PLEKHD1: variants seen among roughly 807,000 people sequenced by gnomAD.
PLEKHD1 encodes the protein pleckstrin homology and coiled-coil domain containing D1.
In PLEKHD1, 51 loss-of-function variants were observed where a neutral mutation model predicts 69.2. The ratio of observed to expected loss-of-function variants is 0.74; its 90% CI spans 0.59 to 0.93. The LOEUF (loss-of-function observed/expected upper bound fraction) is 0.93, where lower values mean the gene tolerates loss of function less well. PLEKHD1 is among the 40% of genes least tolerant of loss of function. The pLI is 0.00. For synonymous variants in PLEKHD1, 236 were observed against 244.7 expected, an observed-to-expected ratio of 0.96 and a Z score of 0.33; for missense variants, 584 against 641.0, an observed-to-expected ratio of 0.91 and a Z score of 0.96.
At chr14:69,510,034 C>A (rs751872367) in intron 6 of PLEKHD1, among the ~76,000 whole-genome samples, 10 of 151,588 alleles carry the variant, frequency 6.6e-5, no homozygotes, top group Non-Finnish European at 1.0e-4. Context: ...TGTTTCCGAG[C>A]TCTCTATTCT....
chr14:69,527,407 A>G (rs1883681110), intron 11 of PLEKHD1, 75 bp downstream of exon 11: 1 of 1,536,118 alleles, frequency 6.5e-7, no homozygotes, highest in South Asian at 1.2e-5. Context: ...CTGTAGAGCC[A>G]GGAAACCCAC....
chr14:69,512,397 G>T (rs1421076328), intron 6 of PLEKHD1, among the ~76,000 whole-genome samples: 3 of 151,434 alleles, frequency 2.0e-5, no homozygotes, highest in African/African-American at 7.3e-5. Context: ...ATTGATTTCT[G>T]CTCTGTTTTA....
chr14:69,477,793 C>T, the PLEKHD1 span, among the ~76,000 whole-genome samples: 2 of 152,224 alleles, frequency 1.3e-5, no homozygotes, highest in East Asian at 1.9e-4. Flanking sequence ...CAGCTCCGCC[C>T]CTGTGGCTCT....
rs989278940 is a variant in PLEKHD1 at position 69,502,914 on chromosome 14, G to A, written c.555+35G>A. ...CACCAAGGGGCTCTCAGCAGCCGTG[G>A]TGTAATGGCTCACGTTTCTAGCACT... On this transcript the variant is annotated intron_variant, in intron 6 of 12. Coordinates refer to ENST00000322564, the MANE Select transcript of PLEKHD1 (RefSeq NM_001161498.2). 162 of 1,550,216 alleles carry A rather than the reference G, an allele frequency of 1.0e-4. 9 individuals are homozygous for A. Among genetic ancestry groups the A allele is most frequent in the Admixed American group, 3.9e-5 (2 of 50,962 alleles).
chr14:69,482,222 G>T (rs1331816965), upstream of PLEKHD1, among the ~76,000 whole-genome samples: 2 of 152,170 alleles, frequency 1.3e-5, no homozygotes, highest in African/African-American at 2.4e-5. Flanking sequence ...CTTATTGAAG[G>T]AATCAGCCTT....
chr14:69,502,156 C>G, intron 5 of PLEKHD1: 1 of 215,986 alleles, frequency 4.6e-6, no homozygotes, highest in East Asian at 1.1e-4. Flanking sequence ...AAAATAGTCT[C>G]TAGCTTTTAG....
chr14:69,518,717 C>G (rs1226946854), intron 6 of PLEKHD1, among the ~76,000 whole-genome samples: 1 of 152,102 alleles, frequency 6.6e-6, no homozygotes, highest in African/African-American at 2.4e-5. Context: ...GACAGAATTG[C>G]TCTTTTAAAT....
chr14:69,492,492 T>C (rs1327103539), intron 1 of PLEKHD1, among the ~76,000 whole-genome samples: 3 of 152,260 alleles, frequency 2.0e-5, no homozygotes, highest in African/African-American at 7.2e-5. Context: ...TACTGTGGTA[T>C]GCTACGATGT....
At position 69,527,837 on chromosome 14, in the gene PLEKHD1, T is replaced by C; in HGVS notation, c.1256T>C (p.Ile419Thr). The change falls in exon 12 of 13, where the codon ATC becomes ACC. Residue 419 changes from isoleucine to threonine, a missense_variant. By Grantham distance (89) the Ile-to-Thr change is moderately conservative. Transcript: ENST00000322564. ...NAELEAKMPV[I>T]MKNSVYIHKA... is the part of the protein sequence containing the mutation. Reference sequence around the variant, plus strand: ...GAGCTGGAGGCCAAGATGCCTGTGATCATGAAGAACTCCGTGTACATCCAT... The same window carrying C: ...GAGCTGGAGGCCAAGATGCCTGTGACCATGAAGAACTCCGTGTACATCCAT... The C allele has an allele frequency of 6.4e-7, 1 of 1,551,488 alleles. No homozygotes were observed. Among genetic ancestry groups the C allele is most frequent in the South Asian group, 1.2e-5 (1 of 84,066 alleles).
chr14:69,524,203 C>A, intron 7 of PLEKHD1, 26 bp from the exon 8 acceptor site: 1 of 1,525,582 alleles, frequency 6.6e-7, no homozygotes, highest in Non-Finnish European at 8.9e-7. Flanking sequence ...GTGGGCACTG[C>A]CATACCCAGC....
rs1227226061 is a variant in PLEKHD1, at chr14:69,500,589, C to A, written c.256C>A (p.Leu86Met). 2 of 1,550,198 alleles carry A rather than the reference C, an allele frequency of 1.3e-6. No individual in the cohort carries two copies. Among genetic ancestry groups the A allele is most frequent in the Non-Finnish European group, 1.7e-6 (2 of 1,146,352 alleles). The change falls in exon 3 of 13, where the codon CTG becomes ATG. Residue 86 changes from leucine (L) to methionine (M), a missense_variant. Leu to Met is a conservative substitution (Grantham distance 15). Coordinates refer to ENST00000322564, the MANE Select transcript of PLEKHD1 (RefSeq NM_001161498.2). ...FNIHPKGVIP[L>M]GGCLVEPKEE... ...GGTTCTTCCTCAGGGCGTCATCCCT[C>A]TGGGGGGCTGCCTGGTGGAGCCCAA...
chr14:69,518,325 G>A (rs966990138), intron 6 of PLEKHD1, among the ~76,000 whole-genome samples: 5 of 152,130 alleles, frequency 3.3e-5, no homozygotes, highest in Admixed American at 2.6e-4. Context: ...ACAGGCATGA[G>A]CCACCTCTCC....
chr14:69,506,042 A>T (rs1566560217), intron 6 of PLEKHD1, among the ~76,000 whole-genome samples: 1 of 152,210 alleles, frequency 6.6e-6, no homozygotes, highest in Admixed American at 6.5e-5. Context: ...GGTTCTTGCC[A>T]CCTGGAGTGC....
At chr14:69,527,111 C>A in intron 10 of PLEKHD1, 77 bp from the exon 11 acceptor site, 4 of 1,456,594 alleles carry the variant, frequency 2.7e-6, no homozygotes, top group Non-Finnish European at 3.6e-6. Context: ...CAGGGGTGAC[C>A]AAGGAAGGCT....
chr14:69,469,807 C>T, the PLEKHD1 span, among the ~76,000 whole-genome samples: 10 of 152,004 alleles, frequency 6.6e-5, no homozygotes, highest in African/African-American at 1.7e-4. Flanking sequence ...CTGCAACCTC[C>T]GCCTCCCAGG....
At chr14:69,515,665 G>A (rs1883369152) in intron 6 of PLEKHD1, among the ~76,000 whole-genome samples, 2 of 152,222 alleles carry the variant, frequency 1.3e-5, no homozygotes, top group Admixed American at 6.5e-5. Context: ...GAGCAGACAT[G>A]TCACATGACC....
chr14:69,471,855 C>T, the PLEKHD1 span, among the ~76,000 whole-genome samples: 1 of 152,128 alleles, frequency 6.6e-6, no homozygotes, highest in East Asian at 1.9e-4. Context: ...TTGTCTTCTC[C>T]TTCATAATCC....
At position 69,524,226 on chromosome 14, in the gene PLEKHD1, CAGGGAGCTGGAACTG is replaced by C; in HGVS notation, c.651-1_664del. On this transcript the variant is annotated splice_acceptor_variant and coding_sequence_variant, in exon 8 of 13. Transcript: ENST00000322564. LOFTEE classifies it high-confidence loss of function. Reference sequence around the variant, plus strand: ...TGCCATACCCAGCCCTCTGTCTCCACAGGGAGCTGGAACTGACTGCAAGATGCCTTAAGGGTGTAG... The same window carrying C: ...TGCCATACCCAGCCCTCTGTCTCCACACTGCAAGATGCCTTAAGGGTGTAG... 1 of 1,550,570 alleles carries C rather than the reference CAGGGAGCTGGAACTG, an allele frequency of 6.4e-7. No individual in the cohort carries two copies. The highest frequency in any genetic ancestry group is 8.7e-7 in the Non-Finnish European group (1 of 1,146,064).
At chr14:69,520,448 T>C (rs957348336) in intron 6 of PLEKHD1, among the ~76,000 whole-genome samples, 6 of 152,110 alleles carry the variant, frequency 3.9e-5, no homozygotes, top group African/African-American at 1.4e-4. Context: ...TCTTATTTCA[T>C]CAAAGAGGGA....
Sources: allele counts gnomAD v4.1 joint callset (sites outside exome capture counted in the v4.1 genomes callset), GRCh38; gene constraint gnomAD v4.1.1; transcripts MANE v1.5; gene names NCBI Gene and HGNC (gene_info 2026-07-23, HGNC 2026-07-21).